Variants in EIF4G2 observed in about 807,000 individuals in gnomAD.
The protein encoded by EIF4G2 is DAP-5.
In EIF4G2, 8 loss-of-function variants were observed where a neutral mutation model predicts 117.7. The observed-to-expected ratio is 0.07, with a 90% confidence interval of 0.04 to 0.12. EIF4G2 has a LOEUF of 0.12. Among genes scored for constraint, EIF4G2 ranks in the 10% least tolerant of loss-of-function variants. The pLI is 1.00. For synonymous variants in EIF4G2, 413 were observed against 367.8 expected (o/e 1.12, Z -1.41); for missense variants, 812 against 1,086.2 (o/e 0.75, Z 3.55).
Position 10,802,071 on chromosome 11 carries a change from C to T in EIF4G2, c.1277G>A (p.Gly426Glu). 1.2e-6 allele frequency: 2 copies of T among 1,614,024 alleles called. No individual in the cohort carries two copies. Among genetic ancestry groups the T allele is most frequent in the Non-Finnish European group, 1.7e-6 (2 of 1,179,934 alleles). Residue 426 changes from glycine (G) to glutamate (E), a missense_variant, in exon 13 of 22, where the codon GGA becomes GAA. Physicochemically the swap from Gly to Glu is moderately conservative, Grantham distance 98. Around this residue, in one of 4 missense-constraint regions of EIF4G2, gnomAD observed 571 missense variants for 642.3 expected, o/e 0.89. Coordinates refer to ENST00000339995, the MANE Select transcript of EIF4G2 (RefSeq NM_001418.4). ...TACCTGGCTTTTCATAAACTTGCCT[C>T]CCATCTCTCCAAACTGCGATTGTGT... is the stretch of plus-strand genomic sequence containing the variant.
rs185328005 is a variant in EIF4G2, at chr11:10,801,709, C to T, written c.1365G>A (p.Lys455=). The T allele has an allele frequency of 4.3e-6, 7 of 1,614,136 alleles. No individual in the cohort carries two copies. Among genetic ancestry groups the T allele is most frequent in the African/African-American group, 2.7e-5 (2 of 75,038 alleles). ...TCTTAGAAAACCGAGGTGGCATATC[C>T]TTCGACTGTCCTTGCAGCTGGGATA... Residue 455 remains lysine, a synonymous_variant, in exon 14 of 22, where the codon AAG becomes AAA. Coordinates refer to ENST00000339995, the MANE Select transcript of EIF4G2 (RefSeq NM_001418.4).
rs753784864 is a variant in EIF4G2, at chr11:10,804,209, AAAG to A, written c.484-9_484-7del. The A allele has an allele frequency of 6.2e-6, 10 of 1,613,910 alleles. No homozygotes were observed. Among genetic ancestry groups the A allele is most frequent in the East Asian group, 2.2e-5 (1 of 44,894 alleles). On this transcript the variant is annotated splice_polypyrimidine_tract_variant and splice_region_variant and intron_variant, in intron 6 of 21. Transcript: ENST00000339995. ...ATTAGGAGGCGTCTGAATGTCTGGA[AAAG>A]AAGACATTGTCATGCTTTATTAAGG...
chr11:10,807,655 TAA>T, intron 1 of EIF4G2: 1 of 1,042,600 alleles, frequency 9.6e-7, no homozygotes, highest in Non-Finnish European at 1.2e-6. Context: ...CTACTATCTT[TAA>T]AACTGAGCAC....
In EIF4G2 at chr11:10,800,271, A is replaced by C; in HGVS notation, c.1938T>G (p.Phe646Leu). Residue 646 changes from phenylalanine to leucine, a missense_variant, in exon 18 of 22, where the codon TTT becomes TTG. Physicochemically the swap from Phe to Leu is conservative, Grantham distance 22. Transcript: ENST00000339995. ...GCTCTGAAATGATGGCACGAGCTGC[A>C]AACTGTGCTAAATAGGATTTCACCA... is the stretch of plus-strand genomic sequence containing the variant. The C allele has an allele frequency of 1.9e-6, 3 of 1,614,198 alleles. No individual in the cohort carries two copies. Among genetic ancestry groups the C allele is most frequent in the Non-Finnish European group, 2.5e-6 (3 of 1,180,032 alleles).
Position 10,802,642 on chromosome 11 carries a change from G to GCC in EIF4G2, c.997-208_997-207insGG, listed in dbSNP as rs765645537. On this transcript the variant is annotated intron_variant, in intron 11 of 21. Coordinates refer to ENST00000339995, the MANE Select transcript of EIF4G2 (RefSeq NM_001418.4). ...CCGACTTTGGGAGGCCCAAGCCTTG[G>GCC]TTTGCATGAGGTCAGGAGTTCAAGA... is the stretch of plus-strand genomic sequence containing the variant. 6.6e-5 allele frequency among the ~76,000 whole-genome samples: 10 copies of GCC among 152,346 alleles called. No homozygotes were observed. The East Asian group carries it at 1.5e-3, about 23-fold the overall frequency.
At position 10,806,808 on chromosome 11, in the gene EIF4G2, T is replaced by G. The variant is rs770450400; in HGVS notation, c.107+12A>C. On this transcript the variant is annotated intron_variant, in intron 3 of 21. Coordinates refer to ENST00000339995, the MANE Select transcript of EIF4G2 (RefSeq NM_001418.4). ...AAATAAAGCTCACTGTTTTTTTACA[T>G]GTTTACCACACCTGTTGCCAGCAGT... is the stretch of plus-strand genomic sequence containing the variant. The G allele has an allele frequency of 6.2e-7, 1 of 1,613,900 alleles. No homozygotes were observed. Among genetic ancestry groups the G allele is most frequent in the South Asian group, 1.1e-5 (1 of 91,070 alleles).
chr11:10,806,476 G>A (rs1393389834), intron 3 of EIF4G2: 7 of 322,750 alleles, frequency 2.2e-5, no homozygotes, highest in East Asian at 6.3e-5. Flanking sequence ...CCACTGTACC[G>A]GCTGCCAATA....
At chr11:10,804,718 C>G (rs1847511283) in intron 5 of EIF4G2, 195 bp downstream of exon 5, 4 of 606,998 alleles carry the variant, frequency 6.6e-6, no homozygotes, top group Non-Finnish European at 1.1e-5. Context: ...ATACCATGAA[C>G]TTAACATTTA....
chr11:10,801,815 G>A (rs772996357), intron 13 of EIF4G2, 41 bp from the exon 14 acceptor site: 3 of 1,572,674 alleles, frequency 1.9e-6, no homozygotes, highest in African/African-American at 2.7e-5. Flanking sequence ...ATAAAAAGGG[G>A]TCCACAAATT....
intron 1 of EIF4G2, 181 bp downstream of exon 1, chr11:10,808,524 C>A: frequency 8.3e-7 from 1 of 1,197,930 alleles, no homozygotes; most frequent in Non-Finnish European, 1.1e-6. Context: ...CCGTCAGCAA[C>A]AGGAAGAGAG....
rs923467342 is a variant in EIF4G2 at position 10,805,814 on chromosome 11, C to A, written c.248+93G>T. 9 of 1,557,198 alleles carry A rather than the reference C, an allele frequency of 5.8e-6. No individual in the cohort carries two copies. The Admixed American group carries it at 1.0e-4, about 17-fold the overall frequency. ...TTCATTAAAACATACATACTCTGGG[C>A]ATGAACCTTGCCTTCTTAGTAATAC... On this transcript the variant is annotated intron_variant, in intron 4 of 21. Transcript: ENST00000339995.
At chr11:10,798,777 T>C (rs1847336393) in intron 21 of EIF4G2, 4 of 507,816 alleles carry the variant, frequency 7.9e-6, no homozygotes, top group East Asian at 6.7e-5. Context: ...CTTGAAAAGT[T>C]AGCTACCTCT....
rs559300529 is a variant in EIF4G2 at position 10,802,228 on chromosome 11, A to G, written c.1139-19T>C. ...CCGCTACCTTAAAATACATATACGG[A>G]CAACTCTCAAAACTAAAGTTAACTG... On this transcript the variant is annotated intron_variant, in intron 12 of 21. Transcript: ENST00000339995. The G allele has an allele frequency of 3.7e-6, 6 of 1,612,406 alleles. No individual in the cohort carries two copies. The East Asian group carries it at 1.3e-4, about 36-fold the overall frequency.
At position 10,805,932 on chromosome 11, in the gene EIF4G2, C is replaced by T. The variant is rs1249738830; in HGVS notation, c.223G>A (p.Asp75Asn). 6.2e-7 allele frequency: 1 copy of T among 1,614,066 alleles called. No individual in the cohort carries two copies. The highest frequency in any genetic ancestry group is 8.5e-7 in the Non-Finnish European group (1 of 1,180,044). Residue 75 changes from aspartate (D) to asparagine (N), a missense_variant, in exon 4 of 22, where the codon GAT (aspartate) becomes AAT (asparagine). Asp to Asn is a conservative substitution (Grantham distance 23, BLOSUM62 1). Around this residue, in one of 4 missense-constraint regions of EIF4G2, gnomAD observed 154 missense variants for 322.1 expected, o/e 0.48. Transcript: ENST00000339995. Reference sequence around the variant, plus strand: ...CCTCTTACTTTCCTGAAGATTGCATCATGTCGTTCTTTTTCGTTTGCGGAG... The same window carrying T: ...CCTCTTACTTTCCTGAAGATTGCATTATGTCGTTCTTTTTCGTTTGCGGAG...
chr11:10,800,352 G>A lies in EIF4G2; in HGVS notation c.1861-4C>T, dbSNP rs563475625. On this transcript the variant is annotated splice_polypyrimidine_tract_variant and splice_region_variant and intron_variant, in intron 17 of 21. Transcript: ENST00000339995. ...GGTCCAATACATTCAGGAAAGCCTT[G>A]AAAGAAATATACAACAGTTTATCAG... is the stretch of plus-strand genomic sequence containing the variant. 1 of 1,613,308 alleles carries A rather than the reference G, an allele frequency of 6.2e-7. No homozygotes were observed. Among genetic ancestry groups the A allele is most frequent in the Non-Finnish European group, 8.5e-7 (1 of 1,179,312 alleles).
At chr11:10,808,062 G>A (rs1847641391) in intron 1 of EIF4G2, 8 of 1,041,364 alleles carry the variant, frequency 7.7e-6, no homozygotes, top group Non-Finnish European at 9.3e-6. Context: ...GGCCACCCCC[G>A]CCAGCCCGGC....
Position 10,800,269 on chromosome 11 carries a change from G to A in EIF4G2, c.1940C>T (p.Ala647Val), listed in dbSNP as rs1424234931. Residue 647 changes from alanine (A) to valine (V), a missense_variant, in exon 18 of 22, where the codon GCA becomes GTA. Physicochemically the swap from Ala to Val is moderately conservative, Grantham distance 64. Around this residue, in one of 4 missense-constraint regions of EIF4G2, gnomAD observed 571 missense variants for 642.3 expected, o/e 0.89. Coordinates refer to ENST00000339995, the MANE Select transcript of EIF4G2 (RefSeq NM_001418.4). ...CAGCTCTGAAATGATGGCACGAGCT[G>A]CAAACTGTGCTAAATAGGATTTCAC... The A allele has an allele frequency of 5.0e-6, 8 of 1,614,084 alleles. No individual in the cohort carries two copies. Among genetic ancestry groups the A allele is most frequent in the Non-Finnish European group, 6.8e-6 (8 of 1,180,038 alleles).
rs369793272 is a variant in EIF4G2, at chr11:10,808,630, C to T, written c.-87+75G>A. On this transcript the variant is annotated intron_variant, in intron 1 of 21. Coordinates refer to ENST00000339995, the MANE Select transcript of EIF4G2 (RefSeq NM_001418.4). ...TCCGCCTGCGGCCGCCATTTTGTAC[C>T]ACTCGAGAAGAAGCGACCAGGGACG... The T allele has an allele frequency of 4.1e-5, 20 of 489,446 alleles. No homozygotes were observed. The East Asian group carries it at 2.8e-3, about 68-fold the overall frequency. The allele number at this position is 489,446 out of a possible 1,614,324, so 30.3% of individuals were successfully genotyped here. A position where few individuals can be genotyped will look rare whatever the true frequency, so the allele number is the denominator to read the frequency against.
chr11:10,804,758 T>C (rs946609993), intron 5 of EIF4G2, 155 bp downstream of exon 5: 2 of 650,310 alleles, frequency 3.1e-6, no homozygotes, highest in Non-Finnish European at 2.7e-6. Flanking sequence ...CTAAAGTCAG[T>C]GGTTCTTTTT....
Sources: allele counts gnomAD v4.1 joint callset (sites outside exome capture counted in the v4.1 genomes callset), GRCh38; gene constraint gnomAD v4.1.1; regional missense constraint gnomAD v4.1.1; transcripts MANE v1.5; gene names NCBI Gene and HGNC (gene_info 2026-07-23, HGNC 2026-07-21).